TEX9: variants seen among roughly 807,000 people sequenced by gnomAD.
TEX9 encodes testis expressed 9, also known as testis-expressed protein 9.
Under a neutral mutation model 59.6 loss-of-function variants are expected in TEX9, and 74 were observed. The ratio of observed to expected loss-of-function variants is 1.24; its 90% CI spans 1.03 to 1.51. The LOEUF is 1.51. Ranked by LOEUF, TEX9 falls within the 40% of genes most tolerant of loss-of-function variation. TEX9 has a pLI of 0.00. For synonymous variants in TEX9, 186 were observed against 152.2 expected (o/e 1.22, Z -1.64); for missense variants, 522 against 447.8 (o/e 1.17, Z -1.49).
At chr15:56,392,158 A>T (rs1229343536) in intron 7 of TEX9, among the ~76,000 whole-genome samples, 3 of 152,186 alleles carry the variant, frequency 2.0e-5, no homozygotes, top group Non-Finnish European at 4.4e-5. Context: ...AGTAGTTTGT[A>T]TTAGATGATC....
In TEX9 at chr15:56,391,242, G is replaced by C. The variant is rs781482009; in HGVS notation, c.396-1G>C. ...ATATGTATTTAATTTTTATTTTTTA[G>C]TGTTAAATTGAAATACTCTGATGTC... On this transcript the variant is annotated splice_acceptor_variant, in intron 6 of 12. Coordinates refer to ENST00000352903, the Ensembl canonical transcript of TEX9. LOFTEE classifies it high-confidence loss of function. The C allele has an allele frequency of 1.3e-6, 2 of 1,539,584 alleles. No homozygotes were observed. Among genetic ancestry groups the C allele is most frequent in the South Asian group, 2.6e-5 (2 of 77,950 alleles).
chr15:56,432,676 C>T (rs1159521992), intron 12 of TEX9, among the ~76,000 whole-genome samples: 2 of 152,136 alleles, frequency 1.3e-5, no homozygotes, highest in Non-Finnish European at 2.9e-5. Context: ...AGTCTGATTT[C>T]TAGTTAGTTG....
chr15:56,378,548 C>A (rs1319547400), intron 3 of TEX9, among the ~76,000 whole-genome samples: 3 of 152,022 alleles, frequency 2.0e-5, no homozygotes, highest in Admixed American at 2.0e-4. Context: ...CTTTGAATTT[C>A]TGCATTGTCA....
At chr15:56,319,636 A>G (rs1461611175) in intron 1 of TEX9, among the ~76,000 whole-genome samples, 2 of 152,136 alleles carry the variant, frequency 1.3e-5, no homozygotes, top group Non-Finnish European at 1.5e-5. Context: ...TCAAAATCCA[A>G]CTTGTCTGGG....
chr15:56,373,531 TTCTA>T, intron 3 of TEX9, 27 bp downstream of exon 3: 1 of 1,502,022 alleles, frequency 6.7e-7, no homozygotes, highest in South Asian at 1.3e-5. Flanking sequence ...TTATTAATAA[TTCTA>T]TATAAATGCT....
chr15:56,346,968 A>G (rs568304787), intron 1 of TEX9, among the ~76,000 whole-genome samples: 3 of 152,308 alleles, frequency 2.0e-5, no homozygotes, highest in African/African-American at 7.2e-5. Context: ...AAAATATGAT[A>G]CCATTTACAA....
At chr15:56,300,711 GAGAGAGAGA>G (rs2045335798) in intron 1 of TEX9, among the ~76,000 whole-genome samples, 2 of 54,366 alleles carry the variant, frequency 3.7e-5, no homozygotes, top group Non-Finnish European at 1.1e-4. Flanking sequence ...GAGAGAGGGA[GAGAGAGAGA>G]GAGAGAGAGA....
intron 10 of TEX9, among the ~76,000 whole-genome samples, chr15:56,423,440 CT>C (rs1185986367): frequency 6.6e-6 from 1 of 152,150 alleles, no homozygotes; most frequent in Non-Finnish European, 1.5e-5. Flanking sequence ...GGAAAATATA[CT>C]TTGTATGACT....
chr15:56,346,711 A>G lies in TEX9; in HGVS notation c.-106-26730A>G, dbSNP rs141906473. On this transcript the variant is annotated intron_variant, in intron 1 of 5. Transcript: ENST00000560827. ...CCCATTCTATACACTCTTATTCAAC[A>G]TAATGTGGAAAGTCTAGACAGCACA... 1.7e-3 allele frequency among the ~76,000 whole-genome samples: 263 copies of G among 151,712 alleles called. 1 individual carries two copies. Among genetic ancestry groups the G allele is most frequent in the African/African-American group, 6.2e-3 (257 of 41,538 alleles).
chr15:56,278,340 T>C (rs2044730239), intron 1 of TEX9, among the ~76,000 whole-genome samples: 1 of 152,240 alleles, frequency 6.6e-6, no homozygotes, highest in African/African-American at 2.4e-5. Flanking sequence ...GTTTCATCTT[T>C]TCTCTGCAAG....
At chr15:56,353,453 A>G (rs2046623972) in intron 1 of TEX9, among the ~76,000 whole-genome samples, 1 of 152,222 alleles carries the variant, frequency 6.6e-6, no homozygotes, top group Admixed American at 6.5e-5. Context: ...TCATCTTAGT[A>G]CTCTGAACTA....
chr15:56,302,607 T>A (rs1317499365), intron 1 of TEX9, among the ~76,000 whole-genome samples: 3 of 149,526 alleles, frequency 2.0e-5, no homozygotes, highest in African/African-American at 7.4e-5. Context: ...GAAAAAAAAA[T>A]CACCTTCACA....
At chr15:56,399,682 A>G (rs866715777) in intron 9 of TEX9, among the ~76,000 whole-genome samples, 1 of 152,186 alleles carries the variant, frequency 6.6e-6, no homozygotes, top group African/African-American at 2.4e-5. Context: ...ACCCCTGTGT[A>G]TCCTAACTGT....
At chr15:56,439,827 C>T (rs2140347069) in intron 12 of TEX9, among the ~76,000 whole-genome samples, 1 of 149,272 alleles carries the variant, frequency 6.7e-6, no homozygotes, top group East Asian at 2.0e-4. Context: ...AGAAATTCTT[C>T]AATAACTAGG....
chr15:56,389,613 CT>C (rs1324119061), intron 6 of TEX9, among the ~76,000 whole-genome samples: 1 of 151,762 alleles, frequency 6.6e-6, no homozygotes, highest in Non-Finnish European at 1.5e-5. Context: ...ATATTGTTCT[CT>C]TAAGCAAAAT....
chr15:56,260,006 G>C (rs2044227407), intron 1 of TEX9, among the ~76,000 whole-genome samples: 3 of 151,946 alleles, frequency 2.0e-5, no homozygotes, highest in African/African-American at 7.2e-5. Flanking sequence ...GTTTTCCAAT[G>C]ATATTGTTAA....
chr15:56,401,308 CAAAAAAAA>C (rs1207055803), intron 9 of TEX9, among the ~76,000 whole-genome samples: 12 of 46,774 alleles, frequency 2.6e-4, no homozygotes, highest in African/African-American at 9.0e-4. Context: ...AAATTGAAAG[CAAAAAAAA>C]AAAAAAAAAA....
chr15:56,312,521 A>G (rs1345910870), intron 1 of TEX9, among the ~76,000 whole-genome samples: 2 of 149,712 alleles, frequency 1.3e-5, no homozygotes, highest in Non-Finnish European at 3.0e-5. Context: ...TTTTGGTACC[A>G]GTACCATGCT....
chr15:56,267,403 A>G (rs1463941450), intron 1 of TEX9, among the ~76,000 whole-genome samples: 1 of 152,170 alleles, frequency 6.6e-6, no homozygotes, highest in Non-Finnish European at 1.5e-5. Flanking sequence ...GTCCTTGCCC[A>G]TGCCTATGTC....
Sources: allele counts gnomAD v4.1 joint callset (sites outside exome capture counted in the v4.1 genomes callset), GRCh38; gene constraint gnomAD v4.1.1; transcripts MANE v1.5; gene names NCBI Gene and HGNC (gene_info 2026-07-23, HGNC 2026-07-21).